DDX21: variants seen among roughly 807,000 people sequenced by gnomAD.
The protein encoded by DDX21 is DExD-box helicase 21.
DDX21 carries 18 observed loss-of-function variants against 90.0 expected under a neutral mutation model. The observed-to-expected ratio is 0.20, with a 90% CI of 0.14 to 0.30. DDX21 has a LOEUF of 0.30. DDX21 is among the 10% of genes least tolerant of loss of function. DDX21 has a pLI of 1.00. For synonymous variants in DDX21, 294 were observed against 318.0 expected (o/e 0.92, Z 0.80); for missense variants, 673 against 944.5 (o/e 0.71, Z 3.77).
intron 14 of DDX21, 67 bp downstream of exon 14, chr10:68,981,648 A>G: frequency 7.7e-7 from 1 of 1,305,458 alleles, no homozygotes; most frequent in South Asian, 1.2e-5. Flanking sequence ...ATGAAAATAG[A>G]GAATAATAGA....
At position 68,956,271 on chromosome 10, in the gene DDX21, G is replaced by T. The variant is rs1564623773; in HGVS notation, c.46G>T (p.Ala16Ser). 6.2e-7 allele frequency: 1 copy of T among 1,614,106 alleles called. No individual in the cohort carries two copies. The highest frequency in any genetic ancestry group is 8.5e-7 in the Non-Finnish European group (1 of 1,179,982). ...RSDAGLESDT[A>S]MKKGETLRKQ... is the part of the protein sequence containing the mutation. Reference sequence around the variant, plus strand: ...TGACGCTGGTTTGGAATCAGACACCGCAATGAAAAAAGGGGAGACACTGCG... The same window carrying T: ...TGACGCTGGTTTGGAATCAGACACCTCAATGAAAAAAGGGGAGACACTGCG... The change falls in exon 1 of 15, where the codon GCA (alanine) becomes TCA (serine). Residue 16 changes from alanine (A) to serine (S), a missense_variant. Coordinates refer to ENST00000354185, the MANE Select transcript of DDX21 (RefSeq NM_004728.4).
intron 2 of DDX21, 49 bp downstream of exon 2, chr10:68,960,298 G>A: frequency 6.5e-7 from 1 of 1,529,984 alleles, no homozygotes; most frequent in Non-Finnish European, 8.8e-7. Context: ...TGTTGTTTCA[G>A]ATAAATAAGT....
chr10:68,981,891 T>G (rs994735746), intron 14 of DDX21, among the ~76,000 whole-genome samples: 5 of 152,070 alleles, frequency 3.3e-5, no homozygotes, highest in African/African-American at 1.2e-4. Flanking sequence ...GTGTGTGTTT[T>G]CAGACAGAGT....
At chr10:68,966,941 T>G in intron 5 of DDX21, 77 bp from the exon 6 acceptor site, 1 of 1,216,870 alleles carries the variant, frequency 8.2e-7, no homozygotes, top group Admixed American at 2.2e-5. Context: ...AGAGTAACAA[T>G]ACAGTTAACT....
At chr10:68,964,655 C>T (rs1290195593) in intron 4 of DDX21, among the ~76,000 whole-genome samples, 5 of 131,058 alleles carry the variant, frequency 3.8e-5, no homozygotes, top group Non-Finnish European at 8.0e-5. Context: ...AGCCACTGCA[C>T]CTGGACTTTT....
intron 7 of DDX21, 150 bp from the exon 8 acceptor site, chr10:68,970,051 G>A: frequency 1.6e-6 from 1 of 620,268 alleles, no homozygotes; most frequent in East Asian, 3.3e-5. Context: ...TCTGTCAGTG[G>A]TGGCTGCAGA....
chr10:68,969,302 A>C (rs1186835772), intron 7 of DDX21, among the ~76,000 whole-genome samples, 181 bp downstream of exon 7: 3 of 152,130 alleles, frequency 2.0e-5, no homozygotes, highest in Non-Finnish European at 4.4e-5. Context: ...ATTTTTTGAG[A>C]TGGAGTCTCG....
At position 68,983,998 on chromosome 10, in the gene DDX21, G is replaced by C. The variant is rs1024733632; in HGVS notation, c.*1186G>C. Reference sequence around the variant, plus strand: ...TGGAGGCTTCCTTTTAAGACAAACTGTATGTGATTAAGTTGTTTTGAGGGA... The same window carrying C: ...TGGAGGCTTCCTTTTAAGACAAACTCTATGTGATTAAGTTGTTTTGAGGGA... On this transcript the variant is annotated 3_prime_UTR_variant, in exon 15 of 15. Coordinates refer to ENST00000354185, the MANE Select transcript of DDX21 (RefSeq NM_004728.4). 14 of 152,192 alleles carry C rather than the reference G, an allele frequency of 9.2e-5. No homozygotes were observed. The highest frequency in any genetic ancestry group is 2.1e-4 in the Non-Finnish European group (14 of 68,040). 9.4% of individuals were successfully genotyped at this position (152,192 alleles called of 1,614,324 possible).
chr10:68,961,309 T>A (rs902318022), intron 2 of DDX21, among the ~76,000 whole-genome samples: 1 of 152,160 alleles, frequency 6.6e-6, no homozygotes, highest in Non-Finnish European at 1.5e-5. Flanking sequence ...TTCCTGATTA[T>A]AAAAAATATG....
rs533606217 is a variant in DDX21 at position 68,956,711 on chromosome 10, C to T, written c.87+399C>T. On this transcript the variant is annotated intron_variant, in intron 1 of 14. Coordinates refer to ENST00000354185, the MANE Select transcript of DDX21 (RefSeq NM_004728.4). ...TTGTTGGCTAAGACAGAACTCCCGGCATGAGCGTGCGCGAAGGAAGTTACA... is the reference window on the plus strand; with the variant it reads ...TTGTTGGCTAAGACAGAACTCCCGGTATGAGCGTGCGCGAAGGAAGTTACA... 1.1e-5 allele frequency: 11 copies of T among 1,031,754 alleles called. No homozygotes were observed. In the East Asian group the frequency reaches 7.7e-4, roughly 72 times the overall value. 63.9% of individuals were successfully genotyped at this position (1,031,754 alleles called of 1,614,324 possible).
chr10:68,981,439 T>G, intron 13 of DDX21, 98 bp from the exon 14 acceptor site: 3 of 1,157,908 alleles, frequency 2.6e-6, no homozygotes, highest in Middle Eastern at 2.2e-4. Context: ...TTGCTTTATG[T>G]TTTTTGTTTT....
chr10:68,957,818 C>A (rs1413235346), intron 1 of DDX21, among the ~76,000 whole-genome samples: 1 of 152,152 alleles, frequency 6.6e-6, no homozygotes, highest in Non-Finnish European at 1.5e-5. Flanking sequence ...CCTGAAATTT[C>A]CGGGAGGCAG....
At chr10:68,964,661 C>CTTTTT (rs370442851) in intron 4 of DDX21, among the ~76,000 whole-genome samples, 19 of 100,066 alleles carry the variant, frequency 1.9e-4, no homozygotes, top group Non-Finnish European at 2.7e-4. Flanking sequence ...TGCACCTGGA[C>CTTTTT]TTTTTTTTTT....
chr10:68,964,510 G>A (rs1842915622), intron 4 of DDX21, among the ~76,000 whole-genome samples: 1 of 152,092 alleles, frequency 6.6e-6, no homozygotes, highest in South Asian at 2.1e-4. Context: ...TTACAGGCGT[G>A]TACCACCATG....
intron 2 of DDX21, among the ~76,000 whole-genome samples, chr10:68,960,963 A>G (rs1266099664): frequency 6.6e-6 from 1 of 152,168 alleles, no homozygotes; most frequent in Non-Finnish European, 1.5e-5. Context: ...GGAATTACTG[A>G]AAAGGTTGAT....
intron 7 of DDX21, among the ~76,000 whole-genome samples, chr10:68,969,933 G>T (rs575015312): frequency 2.5e-4 from 38 of 152,316 alleles, no homozygotes; most frequent in African/African-American, 8.4e-4. Flanking sequence ...GCATTTTCCT[G>T]GTTGTCAGAA....
Position 68,981,570 on chromosome 10 carries a change from A to G in DDX21, c.2071A>G (p.Thr691Ala), listed in dbSNP as rs1244003987. Residue 691 changes from threonine (T) to alanine (A), a missense_variant, in exon 14 of 15, where the codon ACA (threonine) becomes GCA (alanine). This residue lies in a region of DDX21 where 225 missense variants were observed against 298.8 expected (regional missense o/e 0.75). Coordinates refer to ENST00000354185, the MANE Select transcript of DDX21 (RefSeq NM_004728.4). ...CTTTGATGTACCTACCGCATCAGTA[A>G]CAGAAATACAGGTATTCTTTTCCCT... ...VCFDVPTASV[T>A]EIQEKWHDSR... 1.2e-6 allele frequency: 2 copies of G among 1,611,948 alleles called. No individual in the cohort carries two copies. The highest frequency in any genetic ancestry group is 2.2e-5 in the East Asian group (1 of 44,856).
chr10:68,978,339 C>CA (rs200695311), intron 12 of DDX21, among the ~76,000 whole-genome samples: 405 of 151,390 alleles, frequency 2.7e-3, no homozygotes, highest in African/African-American at 8.4e-3. Flanking sequence ...CTAAAACAAA[C>CA]AAAAAAAACA....
chr10:68,957,009 G>A (rs1393362228), intron 1 of DDX21, among the ~76,000 whole-genome samples: 2 of 150,646 alleles, frequency 1.3e-5, no homozygotes, highest in Admixed American at 6.6e-5. Context: ...GCCACTGCAC[G>A]TCAGCCTGGG....
Sources: gnomAD v4.1 joint callset for allele counts (sites outside exome capture counted in the v4.1 genomes callset) on GRCh38, gnomAD v4.1.1 for gene constraint, gnomAD v4.1.1 regional missense constraint, MANE v1.5 for transcripts, NCBI Gene and HGNC (gene_info 2026-07-23, HGNC 2026-07-21) for gene names.